The following KIF13A variants were observed in gnomAD, a reference collection of about 807,000 sequenced individuals.
KIF13A encodes the protein kinesin-like protein KIF13A.
KIF13A carries 79 observed loss-of-function variants against 212.2 expected under a neutral mutation model. The observed-to-expected ratio is 0.37, with a 90% CI of 0.31 to 0.45. KIF13A has a LOEUF of 0.45. Among genes scored for constraint, KIF13A ranks in the 20% least tolerant of loss-of-function variants. The pLI is 1.00. For missense variants in KIF13A, 1,901 were observed against 2,209.0 expected, an observed-to-expected ratio of 0.86 and a Z score of 2.79; for synonymous variants, 789 against 808.6, an observed-to-expected ratio of 0.98 and a Z score of 0.41.
At position 17,918,051 on chromosome 6, in the gene KIF13A, C is replaced by T. The variant is rs999550939; in HGVS notation, c.147-19871G>A. Among the ~76,000 whole-genome samples, 5 of 152,038 alleles carry T rather than the reference C, an allele frequency of 3.3e-5. No individual in the cohort carries two copies. The highest frequency in any genetic ancestry group is 4.2e-4 in the South Asian group (2 of 4,814). Reference sequence around the variant, plus strand: ...CCTCGTGGCACCTGTTGCACTTTCTCGGAGTCATGGTTTGTTGTCTGTCTT... The same window carrying T: ...CCTCGTGGCACCTGTTGCACTTTCTTGGAGTCATGGTTTGTTGTCTGTCTT... On this transcript the variant is annotated intron_variant, in intron 2 of 38. Coordinates refer to ENST00000259711, the MANE Select transcript of KIF13A (RefSeq NM_022113.6). This position sits in a 1 kb window ranked among gnomAD's most constrained non-coding sequence, Gnocchi z 4.8.
rs1766179297 is a variant in KIF13A, at chr6:17,838,345, A to G, written c.831-762T>C. On this transcript the variant is annotated intron_variant, in intron 9 of 38. Transcript: ENST00000259711. This position sits in a 1 kb window ranked among gnomAD's most constrained non-coding sequence, Gnocchi z 4.2. Reference sequence around the variant, plus strand: ...CAAAAAAAAAAAAAAGTTAAATGCTACTACAAATAACAAAGAAGGACACAA... The same window carrying G: ...CAAAAAAAAAAAAAAGTTAAATGCTGCTACAAATAACAAAGAAGGACACAA... 6.6e-6 allele frequency among the ~76,000 whole-genome samples: 1 copy of G among 152,052 alleles called. No individual in the cohort carries two copies. The highest frequency in any genetic ancestry group is 2.4e-5 in the African/African-American group (1 of 41,440).
intron 2 of KIF13A, among the ~76,000 whole-genome samples, chr6:17,948,380 T>C (rs1231629796): frequency 2.6e-5 from 4 of 152,124 alleles, no homozygotes; most frequent in African/African-American, 9.7e-5. Flanking sequence ...AGCACAGTTT[T>C]CTTTGGAAAA....
Position 17,763,947 on chromosome 6 carries a change from T to C in KIF13A, c.*163A>G. Reference sequence around the variant, plus strand: ...TGGTCTTATAATTTCACAATTGCGTTCTAGTTCCCAAAACAGACTTGCTCT... The same window carrying C: ...TGGTCTTATAATTTCACAATTGCGTCCTAGTTCCCAAAACAGACTTGCTCT... On this transcript the variant is annotated 3_prime_UTR_variant, in exon 39 of 39. Transcript: ENST00000259711. The C allele has an allele frequency of 6.9e-7, 1 of 1,440,048 alleles. No homozygotes were observed. Among genetic ancestry groups the C allele is most frequent in the Non-Finnish European group, 9.1e-7 (1 of 1,100,216 alleles). 89.2% of individuals were successfully genotyped at this position (1,440,048 alleles called of 1,614,324 possible). A position where few individuals can be genotyped will look rare whatever the true frequency, so the allele number is the denominator to read the frequency against.
At chr6:17,766,390 C>T (rs1216501395) in intron 38 of KIF13A, among the ~76,000 whole-genome samples, 1 of 151,676 alleles carries the variant, frequency 6.6e-6, no homozygotes, top group Non-Finnish European at 1.5e-5. Flanking sequence ...CAGGCATGCG[C>T]CAGCATGCCA....
rs890833594 is a variant in KIF13A at position 17,777,957 on chromosome 6, T to C, written c.4093-603A>G. 2.6e-5 allele frequency among the ~76,000 whole-genome samples: 4 copies of C among 151,924 alleles called. No individual in the cohort carries two copies. Among genetic ancestry groups the C allele is most frequent in the Non-Finnish European group, 5.9e-5 (4 of 67,990 alleles). On this transcript the variant is annotated intron_variant, in intron 33 of 38. Transcript: ENST00000259711. The surrounding 1 kb of genome is among the most constrained non-coding windows in gnomAD (Gnocchi z 4.4). ...GTTCGAGACCAGCTGGCCAACATGG[T>C]AAAACCCTGTTTCTACTAAAAAATA...
intron 3 of KIF13A, among the ~76,000 whole-genome samples, chr6:17,874,462 G>C (rs1770316716): frequency 6.6e-6 from 1 of 151,780 alleles, no homozygotes; most frequent in Admixed American, 6.6e-5. Flanking sequence ...TTGAGTTGGA[G>C]TCTCGCTTTG....
At chr6:17,840,677 G>T (rs549499840) in intron 9 of KIF13A, among the ~76,000 whole-genome samples, 2 of 152,094 alleles carry the variant, frequency 1.3e-5, no homozygotes, top group South Asian at 4.2e-4. Context: ...GGGAAACACA[G>T]AAAGTTTCTA....
Position 17,899,189 on chromosome 6 carries a change from T to C in KIF13A, c.147-1009A>G, listed in dbSNP as rs1291709102. On this transcript the variant is annotated intron_variant, in intron 2 of 38. Coordinates refer to ENST00000259711, the MANE Select transcript of KIF13A (RefSeq NM_022113.6). This position sits in a 1 kb window ranked among gnomAD's most constrained non-coding sequence, Gnocchi z 5.2. ...ACTTGCTTTGTAAATATTTTCTTCA[T>C]GTATAAAATTAAGGAGCTCAATTAT... 2.0e-5 allele frequency among the ~76,000 whole-genome samples: 3 copies of C among 152,100 alleles called. No individual in the cohort carries two copies. Among genetic ancestry groups the C allele is most frequent in the Non-Finnish European group, 4.4e-5 (3 of 68,030 alleles).
chr6:17,873,742 C>T (rs1581598690), intron 3 of KIF13A, among the ~76,000 whole-genome samples: 1 of 152,078 alleles, frequency 6.6e-6, no homozygotes, highest in South Asian at 2.1e-4. Context: ...TGCATGCCAC[C>T]ATATCGAGCA....
At chr6:17,868,991 A>C (rs1341002303) in intron 4 of KIF13A, among the ~76,000 whole-genome samples, 1 of 47,080 alleles carries the variant, frequency 2.1e-5, no homozygotes, top group Admixed American at 2.2e-4. Context: ...CTCCCTCTCA[A>C]AAAAAAAAAA....
chr6:17,962,059 G>T (rs1303196626), intron 2 of KIF13A, among the ~76,000 whole-genome samples: 1 of 152,146 alleles, frequency 6.6e-6, no homozygotes, highest in Non-Finnish European at 1.5e-5. Context: ...GGGTGTGGTG[G>T]TTCATGCCTG....
chr6:17,929,498 T>G (rs1436381082), intron 2 of KIF13A, among the ~76,000 whole-genome samples: 1 of 151,854 alleles, frequency 6.6e-6, no homozygotes, highest in East Asian at 1.9e-4. Flanking sequence ...CCTCCCGGGT[T>G]CACGGCATTC....
chr6:17,857,323 G>A (rs1768238312), intron 4 of KIF13A, among the ~76,000 whole-genome samples: 1 of 152,216 alleles, frequency 6.6e-6, no homozygotes, highest in East Asian at 1.9e-4. Context: ...GGAGGGACCT[G>A]TTGGGAGACG....
In KIF13A at chr6:17,961,847, T is replaced by C. The variant is rs1002189615; in HGVS notation, c.146+25207A>G. Among the ~76,000 whole-genome samples, 1 of 152,248 alleles carries C rather than the reference T, an allele frequency of 6.6e-6. No individual in the cohort carries two copies. Among genetic ancestry groups the C allele is most frequent in the Non-Finnish European group, 1.5e-5 (1 of 68,044 alleles). ...TCTTATTCTCACCTAAGCCCTGTGT[T>C]CCTCTGTATTCTAGGGTGCTTAGTG... On this transcript the variant is annotated intron_variant, in intron 2 of 38. Transcript: ENST00000259711. This position sits in a 1 kb window ranked among gnomAD's most constrained non-coding sequence, Gnocchi z 4.1.
intron 13 of KIF13A, among the ~76,000 whole-genome samples, chr6:17,830,286 G>GT (rs1765329278): frequency 6.6e-6 from 1 of 152,184 alleles, no homozygotes; most frequent in Admixed American, 6.5e-5. Context: ...TATCATGTGT[G>GT]TGTGTATTGG....
At chr6:17,981,968 T>C (rs1308777653) in intron 2 of KIF13A, among the ~76,000 whole-genome samples, 2 of 152,190 alleles carry the variant, frequency 1.3e-5, no homozygotes, top group African/African-American at 2.4e-5. Context: ...GAAGCCAGCT[T>C]AGAAATAAAA....
chr6:17,828,419 C>A lies in KIF13A; in HGVS notation c.1402-49G>T. The A allele has an allele frequency of 6.5e-7, 1 of 1,540,544 alleles. No homozygotes were observed. The highest frequency in any genetic ancestry group is 1.9e-5 in the Admixed American group (1 of 52,866). On this transcript the variant is annotated intron_variant, in intron 13 of 38. Transcript: ENST00000259711. This position sits in a 1 kb window ranked among gnomAD's most constrained non-coding sequence, Gnocchi z 4.3. ...GAAAAACCCACATTTATGAGTAACT[C>A]AGCAAAAATGTATCACAATCAATTT...
Position 17,816,977 on chromosome 6 carries a change from C to T in KIF13A, c.2000+43G>A. On this transcript the variant is annotated intron_variant, in intron 17 of 38. Coordinates refer to ENST00000259711, the MANE Select transcript of KIF13A (RefSeq NM_022113.6). The surrounding 1 kb of genome is among the most constrained non-coding windows in gnomAD (Gnocchi z 4.3). ...AAACCCCTCCCTCAAAGACCCACGGCCTTGGGGCCTTGACTCTGGGCTGCC... is the reference window on the plus strand; with the variant it reads ...AAACCCCTCCCTCAAAGACCCACGGTCTTGGGGCCTTGACTCTGGGCTGCC... 1 of 1,536,550 alleles carries T rather than the reference C, an allele frequency of 6.5e-7. No homozygotes were observed. Among genetic ancestry groups the T allele is most frequent in the Non-Finnish European group, 8.8e-7 (1 of 1,131,528 alleles).
chr6:17,797,961 G>C (rs1762186438), intron 22 of KIF13A, among the ~76,000 whole-genome samples: 1 of 152,042 alleles, frequency 6.6e-6, no homozygotes, highest in East Asian at 1.9e-4. Context: ...GACTGAGATG[G>C]GTGGCAAATC....
Sources: gnomAD v4.1 joint callset for allele counts (sites outside exome capture counted in the v4.1 genomes callset) on GRCh38, gnomAD v4.1.1 for gene constraint, Gnocchi (gnomAD v3.1) non-coding constraint, MANE v1.5 for transcripts, NCBI Gene and HGNC (gene_info 2026-07-23, HGNC 2026-07-21) for gene names.